CSMD1: variants seen among roughly 807,000 people sequenced by gnomAD.
CSMD1 encodes CUB and sushi domain-containing protein 1.
A neutral mutation model predicts 417.5 loss-of-function variants in CSMD1; 213 were observed. That is an observed-to-expected ratio of 0.51 (90% CI 0.46 to 0.57). The LOEUF is 0.57. CSMD1 is among the 20% of genes least tolerant of loss of function. The pLI is 0.00. For missense variants in CSMD1, 6,923 were observed against 4,529.7 expected (o/e 1.53, Z -15.17); for synonymous variants, 2,862 against 1,736.8 (o/e 1.65, Z -16.11).
intron 8 of CSMD1, among the ~76,000 whole-genome samples, chr8:3,605,175 A>G (rs2117101267): frequency 6.6e-6 from 1 of 152,286 alleles, no homozygotes; most frequent in Non-Finnish European, 1.5e-5. Flanking sequence ...TATTTTTAGT[A>G]GAAACAGGGT....
intron 1 of CSMD1, among the ~76,000 whole-genome samples, chr8:4,896,197 T>A (rs1362745269): frequency 6.6e-6 from 1 of 152,154 alleles, no homozygotes; most frequent in Admixed American, 6.5e-5. Context: ...GCATGGCTTT[T>A]GTGAAGTGTC....
chr8:4,722,873 G>T (rs1246908907), intron 1 of CSMD1, among the ~76,000 whole-genome samples: 4 of 151,930 alleles, frequency 2.6e-5, no homozygotes, highest in East Asian at 1.9e-4. Flanking sequence ...AACAAAAAAA[G>T]ATTTCTCCTC....
chr8:4,480,201 C>A (rs370124513), intron 2 of CSMD1, among the ~76,000 whole-genome samples: 3,253 of 134,340 alleles, frequency 0.024, 67 homozygotes, highest in Middle Eastern at 0.079. Flanking sequence ...AAAAAAAAAA[C>A]AAAAAAAAAC....
intron 7 of CSMD1, among the ~76,000 whole-genome samples, chr8:3,627,776 T>C (rs1003451107): frequency 6.6e-6 from 1 of 152,168 alleles, no homozygotes; most frequent in African/African-American, 2.4e-5. Flanking sequence ...AAAGTGAGGG[T>C]TGGAATTTCA....
intron 3 of CSMD1, among the ~76,000 whole-genome samples, chr8:4,192,996 T>C (rs917993915): frequency 1.3e-5 from 2 of 152,240 alleles, no homozygotes; most frequent in African/African-American, 4.8e-5. Flanking sequence ...TCAAATGCAA[T>C]CATATCTTTG....
At chr8:3,640,273 G>C (rs931332242) in intron 7 of CSMD1, among the ~76,000 whole-genome samples, 6 of 152,164 alleles carry the variant, frequency 3.9e-5, no homozygotes, top group Admixed American at 2.6e-4. Flanking sequence ...CTGAGGTAAT[G>C]AGCCTGTTTT....
rs1799977405 is a variant in CSMD1 at position 3,795,106 on chromosome 8, ACAGC to A, written c.819-41068_819-41065del. On this transcript the variant is annotated intron_variant, in intron 5 of 69. Transcript: ENST00000635120. Reference sequence around the variant, plus strand: ...AGCTATAGATATATATCTATCATGTACAGCTATAGATATCTATCATGTACAGCTA... The same window carrying A: ...AGCTATAGATATATATCTATCATGTATATAGATATCTATCATGTACAGCTA... Among the ~76,000 whole-genome samples, 87 of 90,442 alleles carry A rather than the reference ACAGC, an allele frequency of 9.6e-4. 2 individuals are homozygous for A. The highest frequency in any genetic ancestry group is 2.6e-3 in the African/African-American group (70 of 26,462). 59.3% of individuals were successfully genotyped at this position (90,442 alleles called of 152,430 possible).
At chr8:4,161,209 C>A (rs1400354238) in intron 3 of CSMD1, among the ~76,000 whole-genome samples, 1 of 152,060 alleles carries the variant, frequency 6.6e-6, no homozygotes, top group Non-Finnish European at 1.5e-5. Flanking sequence ...TCATTTAATT[C>A]CATGAACAAC....
chr8:4,608,820 G>A (rs545188300), intron 2 of CSMD1, among the ~76,000 whole-genome samples: 60 of 152,256 alleles, frequency 3.9e-4, no homozygotes, highest in Non-Finnish European at 6.5e-4. Context: ...GCATGCTAAG[G>A]CATATGGGCA....
chr8:4,385,565 G>C lies in CSMD1; in HGVS notation c.415+34388C>G, dbSNP rs150813116. 2.8e-3 allele frequency among the ~76,000 whole-genome samples: 429 copies of C among 152,252 alleles called. 5 individuals carry two copies. The highest frequency in any genetic ancestry group is 8.6e-3 in the African/African-American group (359 of 41,540). On this transcript the variant is annotated intron_variant, in intron 3 of 69. Coordinates refer to ENST00000635120, the MANE Select transcript of CSMD1 (RefSeq NM_033225.6). ...TTTTTTTGGACTGCACATTACTACA[G>C]TGTATTGTTTTTAAGGAGTAAGAAT...
chr8:3,288,382 T>C (rs1803307849), intron 25 of CSMD1, among the ~76,000 whole-genome samples: 1 of 147,202 alleles, frequency 6.8e-6, no homozygotes, highest in Non-Finnish European at 1.5e-5. Context: ...TGGTACCAGC[T>C]CCTCCTTGTA....
At chr8:3,475,217 A>T (rs1817337096) in intron 11 of CSMD1, among the ~76,000 whole-genome samples, 2 of 152,112 alleles carry the variant, frequency 1.3e-5, no homozygotes, top group African/African-American at 4.8e-5. Flanking sequence ...GTCATCACAG[A>T]ATCCTTCACG....
At chr8:4,664,872 T>C (rs774115407) in intron 1 of CSMD1, among the ~76,000 whole-genome samples, 3 of 152,182 alleles carry the variant, frequency 2.0e-5, no homozygotes, top group African/African-American at 4.8e-5. Flanking sequence ...TAAAACACAA[T>C]GTATATATAT....
At chr8:4,734,519 T>G (rs1319574995) in intron 1 of CSMD1, among the ~76,000 whole-genome samples, 1 of 152,220 alleles carries the variant, frequency 6.6e-6, no homozygotes, top group East Asian at 1.9e-4. Flanking sequence ...AAATAATAAC[T>G]GTTGAAGATT....
In CSMD1 at chr8:3,468,818, C is replaced by A; in HGVS notation, c.1455G>T (p.Thr485=). The A allele has an allele frequency of 1.3e-6, 2 of 1,589,148 alleles. No individual in the cohort carries two copies. Among genetic ancestry groups the A allele is most frequent in the East Asian group, 4.5e-5 (2 of 44,144 alleles). Residue 485 remains threonine (T), a synonymous_variant, in exon 12 of 70, where the codon ACG becomes ACT. Coordinates refer to ENST00000635120, the MANE Select transcript of CSMD1 (RefSeq NM_033225.6). Reference sequence around the variant, plus strand: ...CAATGAGGTCAGGAACACTGGATCCCGTGAGCCTGCAAGAAAGAGAAATGT... The same window carrying A: ...CAATGAGGTCAGGAACACTGGATCCAGTGAGCCTGCAAGAAAGAGAAATGT... The part of the protein sequence containing the change: ...GDTRSVLYVL[T]GSSVPDLIVS...
intron 1 of CSMD1, among the ~76,000 whole-genome samples, chr8:4,937,133 G>T (rs1483812451): frequency 6.6e-6 from 1 of 152,068 alleles, no homozygotes; most frequent in African/African-American, 2.4e-5. Context: ...GGACTGCTTG[G>T]GCCCAGGAGC....
chr8:4,647,467 C>T lies in CSMD1; in HGVS notation c.86-9909G>A, dbSNP rs185502779. 1.1e-3 allele frequency among the ~76,000 whole-genome samples: 159 copies of T among 147,568 alleles called. 1 individual carries two copies. Among genetic ancestry groups the T allele is most frequent in the Admixed American group, 4.4e-3 (66 of 15,148 alleles). On this transcript the variant is annotated intron_variant, in intron 1 of 69. Transcript: ENST00000635120. Reference sequence around the variant, plus strand: ...ATGCGTGTGCCACGGCGGCCTGCTACGTAGGTACGCGTGTGCCATGGTGGT... The same window carrying T: ...ATGCGTGTGCCACGGCGGCCTGCTATGTAGGTACGCGTGTGCCATGGTGGT...
chr8:4,620,065 AAC>A (rs1230562839), intron 2 of CSMD1, among the ~76,000 whole-genome samples: 2 of 152,020 alleles, frequency 1.3e-5, no homozygotes, highest in African/African-American at 4.8e-5. Flanking sequence ...AATATTTATT[AAC>A]ACAATAAATA....
chr8:4,417,245 C>G (rs948339049), intron 3 of CSMD1, among the ~76,000 whole-genome samples: 1 of 151,910 alleles, frequency 6.6e-6, no homozygotes, highest in Non-Finnish European at 1.5e-5. Context: ...AATGACTGAA[C>G]ACGTTGATTA....
Sources: allele counts gnomAD v4.1 joint callset (sites outside exome capture counted in the v4.1 genomes callset), GRCh38; gene constraint gnomAD v4.1.1; transcripts MANE v1.5; gene names NCBI Gene and HGNC (gene_info 2026-07-23, HGNC 2026-07-21).